The following RBPMS variants were observed in gnomAD, a reference collection of about 807,000 sequenced individuals.
The protein encoded by RBPMS is RNA binding protein, mRNA processing factor.
In RBPMS, 7 loss-of-function variants were observed where a neutral mutation model predicts 26.8. The observed-to-expected ratio is 0.26, with a 90% CI of 0.15 to 0.49. The LOEUF (loss-of-function observed/expected upper bound fraction) is 0.49. Among genes scored for constraint, RBPMS ranks in the 20% least tolerant of loss-of-function variants. RBPMS has a pLI of 0.98. For synonymous variants in RBPMS, 96 were observed against 93.3 expected, an observed-to-expected ratio of 1.03 and a Z score of -0.17; for missense variants, 186 against 250.0, an observed-to-expected ratio of 0.74 and a Z score of 1.73.
intron 1 of RBPMS, among the ~76,000 whole-genome samples, chr8:30,471,071 T>A (rs1276541987): frequency 6.6e-6 from 1 of 152,186 alleles, no homozygotes; most frequent in Non-Finnish European, 1.5e-5. Context: ...ATTTAATGCA[T>A]ATTTATTTTA....
chr8:30,506,465 T>C (rs983333550), intron 5 of RBPMS, among the ~76,000 whole-genome samples: 1 of 152,148 alleles, frequency 6.6e-6, no homozygotes, highest in Non-Finnish European at 1.5e-5. Flanking sequence ...AAGTCCACTA[T>C]GGCTCAGGTC....
intron 4 of RBPMS, among the ~76,000 whole-genome samples, chr8:30,500,139 C>G (rs1820396295): frequency 6.6e-6 from 1 of 152,096 alleles, no homozygotes; most frequent in African/African-American, 2.4e-5. Flanking sequence ...ATAAATTATA[C>G]ATAGTTGTAA....
chr8:30,562,797 A>ATAGAT (rs79560908), intron 7 of RBPMS, among the ~76,000 whole-genome samples: 1 of 151,956 alleles, frequency 6.6e-6, no homozygotes, highest in Non-Finnish European at 1.5e-5. Flanking sequence ...GAAAGAACAG[A>ATAGAT]AGACGAGCAG....
intron 6 of RBPMS, chr8:30,556,613 C>T (rs925857279): frequency 1.2e-5 from 12 of 986,436 alleles, no homozygotes; most frequent in Non-Finnish European, 1.4e-5. Flanking sequence ...GCGCTCCACA[C>T]TGACCCAGTG....
chr8:30,481,589 C>T (rs907511630), intron 4 of RBPMS, among the ~76,000 whole-genome samples: 1 of 151,856 alleles, frequency 6.6e-6, no homozygotes, highest in Non-Finnish European at 1.5e-5. Context: ...TAGCACTGTC[C>T]TCTCCTTTAA....
chr8:30,474,026 A>T (rs1426572609), intron 1 of RBPMS, among the ~76,000 whole-genome samples: 1 of 152,130 alleles, frequency 6.6e-6, no homozygotes. Flanking sequence ...GCAGCAAACC[A>T]CCATGGTATG....
chr8:30,511,307 C>A (rs1157141964), intron 5 of RBPMS, among the ~76,000 whole-genome samples: 1 of 150,284 alleles, frequency 6.7e-6, no homozygotes, highest in African/African-American at 2.5e-5. Context: ...GAGCGAGACT[C>A]TGCCTCAAAA....
At chr8:30,475,296 T>C (rs902564680) in intron 2 of RBPMS, among the ~76,000 whole-genome samples, 18 of 152,226 alleles carry the variant, frequency 1.2e-4, no homozygotes, top group African/African-American at 4.1e-4. Flanking sequence ...TTACCTGTCC[T>C]TCCTATGGAA....
chr8:30,412,078 A>T (rs533283911), intron 1 of RBPMS, among the ~76,000 whole-genome samples: 1 of 152,152 alleles, frequency 6.6e-6, no homozygotes, highest in Admixed American at 6.5e-5. Context: ...TCAGTTACTG[A>T]CAAAGTCGAG....
chr8:30,474,222 C>T (rs1817451358), intron 1 of RBPMS, among the ~76,000 whole-genome samples: 1 of 152,116 alleles, frequency 6.6e-6, no homozygotes, highest in African/African-American at 2.4e-5. Context: ...CTTAACTTTA[C>T]TTTTACATTT....
chr8:30,477,724 G>T, intron 2 of RBPMS, 75 bp from the exon 3 acceptor site: 10 of 1,043,684 alleles, frequency 9.6e-6, no homozygotes, highest in South Asian at 9.4e-5. Flanking sequence ...AATCAATAAA[G>T]AACTTATTTT....
At chr8:30,447,622 A>G (rs1463338826) in intron 1 of RBPMS, among the ~76,000 whole-genome samples, 3 of 152,226 alleles carry the variant, frequency 2.0e-5, no homozygotes, top group Non-Finnish European at 2.9e-5. Flanking sequence ...GTAAGGAGAC[A>G]TTATTATATT....
At chr8:30,555,908 C>A (rs1826850236) in intron 6 of RBPMS, 1 of 985,428 alleles carries the variant, frequency 1.0e-6, no homozygotes, top group Non-Finnish European at 1.2e-6. Context: ...CAGCTTGTTC[C>A]CCCCCACCGG....
At chr8:30,472,475 G>A (rs1817233208) in intron 1 of RBPMS, among the ~76,000 whole-genome samples, 1 of 152,142 alleles carries the variant, frequency 6.6e-6, no homozygotes, top group Non-Finnish European at 1.5e-5. Context: ...AGATTGTCTT[G>A]GTTGTGATGG....
At position 30,517,189 on chromosome 8, in the gene RBPMS, CGTGTGTGTGTGTGTGT is replaced by C. The variant is rs56327512; in HGVS notation, c.397+12787_397+12802del. Among the ~76,000 whole-genome samples the C allele has an allele frequency of 6.1e-3, 811 of 132,548 alleles. 5 individuals carry two copies. The highest frequency in any genetic ancestry group is 0.021 in the East Asian group (89 of 4,286). The allele number at this position is 132,548 out of a possible 152,430, so 87.0% of individuals were successfully genotyped here. On this transcript the variant is annotated intron_variant, in intron 5 of 8. Transcript: ENST00000397323. ...TCAATAGATATATAGGCCAAGACCC[CGTGTGTGTGTGTGTGT>C]GTGTGTGTGTGTGTGTGTGTGTGTG...
intron 1 of RBPMS, among the ~76,000 whole-genome samples, chr8:30,443,847 G>A (rs988641355): frequency 6.6e-5 from 10 of 151,964 alleles, no homozygotes; most frequent in African/African-American, 1.7e-4. Flanking sequence ...TGCCCGCCTC[G>A]GCCTCCCAAA....
intron 6 of RBPMS, chr8:30,556,057 G>A (rs1397805799): frequency 1.0e-6 from 1 of 985,338 alleles, no homozygotes; most frequent in African/African-American, 1.7e-5. Context: ...GAGCCTCTCA[G>A]GCTGGAAGAG....
At chr8:30,523,119 G>A (rs1823230854) in intron 5 of RBPMS, among the ~76,000 whole-genome samples, 1 of 152,156 alleles carries the variant, frequency 6.6e-6, no homozygotes, top group Admixed American at 6.5e-5. Context: ...GCTTCACGCT[G>A]TAATCCCAGC....
chr8:30,514,097 T>C (rs1822029315), intron 5 of RBPMS, among the ~76,000 whole-genome samples: 1 of 152,240 alleles, frequency 6.6e-6, no homozygotes, highest in Non-Finnish European at 1.5e-5. Flanking sequence ...CATTTACCAA[T>C]GTGAGCATTA....
Sources: allele counts gnomAD v4.1 joint callset (sites outside exome capture counted in the v4.1 genomes callset), GRCh38; gene constraint gnomAD v4.1.1; transcripts MANE v1.5; gene names NCBI Gene and HGNC (gene_info 2026-07-23, HGNC 2026-07-21).